The following ZNF334 variants were observed in gnomAD, a reference collection of about 807,000 sequenced individuals.
ZNF334 encodes the protein zinc finger protein 334.
In ZNF334, 14 loss-of-function variants were observed where a neutral mutation model predicts 12.4. The observed-to-expected ratio is 1.13, with a 90% confidence interval of 0.74 to 1.76. The LOEUF is 1.76. Among genes scored for constraint, ZNF334 ranks in the 40% most tolerant of loss-of-function variants. The pLI, the probability that ZNF334 is intolerant of heterozygous loss-of-function variation, is 0.00. For missense variants in ZNF334, 797 were observed against 804.5 expected (o/e 0.99, Z 0.11); for synonymous variants, 273 against 269.6 (o/e 1.01, Z -0.12).
rs366860 is a variant in ZNF334 at position 46,512,761 on chromosome 20, A to C, written c.-260T>G. On this transcript the variant is annotated 5_prime_UTR_variant, in exon 1 of 5. Transcript: ENST00000692313. ...CAAAGGACCAGAATTCAGTTATTGGATCTGTCACTAGCAAACTGCATTACT... is the reference window on the plus strand; with the variant it reads ...CAAAGGACCAGAATTCAGTTATTGGCTCTGTCACTAGCAAACTGCATTACT... 81,979 of 152,056 alleles carry C rather than the reference A, an allele frequency of 0.54. 22,457 individuals carry two copies. Among genetic ancestry groups the C allele is most frequent in the African/African-American group, 0.64 (26,462 of 41,470 alleles). 9.4% of individuals were successfully genotyped at this position (152,056 alleles called of 1,614,324 possible).
At chr20:46,511,855 C>T (rs559691014) in intron 2 of ZNF334, among the ~76,000 whole-genome samples, 37 of 152,292 alleles carry the variant, frequency 2.4e-4, no homozygotes, top group Middle Eastern at 6.8e-3. Context: ...GAAAACCACA[C>T]AAAAATCCAG....
chr20:46,506,229 T>C (rs748627459), intron 2 of ZNF334: 5 of 455,194 alleles, frequency 1.1e-5, no homozygotes, highest in African/African-American at 4.0e-5. Flanking sequence ...TTTGAAAGCA[T>C]AAATAATGAG....
chr20:46,488,582 T>C, the ZNF334 span, among the ~76,000 whole-genome samples: 1 of 151,726 alleles, frequency 6.6e-6, no homozygotes, highest in Non-Finnish European at 1.5e-5. Flanking sequence ...AATAAACCCA[T>C]ACATATTTAC....
chr20:46,467,141 A>G, the ZNF334 span, among the ~76,000 whole-genome samples: 1 of 152,232 alleles, frequency 6.6e-6, no homozygotes, highest in South Asian at 2.1e-4. Flanking sequence ...GTGAGATGTT[A>G]GGTACCCATT....
the ZNF334 span, among the ~76,000 whole-genome samples, chr20:46,469,101 AC>A: frequency 6.6e-6 from 1 of 152,206 alleles, no homozygotes; most frequent in African/African-American, 2.4e-5. Context: ...ATCAACAAAA[AC>A]ATGTACTCAT....
intron 2 of ZNF334, among the ~76,000 whole-genome samples, chr20:46,508,289 A>C (rs1436689524): frequency 6.6e-6 from 1 of 152,248 alleles, no homozygotes; most frequent in East Asian, 1.9e-4. Flanking sequence ...ATGGCTACTG[A>C]GGACATGTGC....
chr20:46,509,303 A>C (rs1001695034), intron 2 of ZNF334, among the ~76,000 whole-genome samples: 5 of 152,214 alleles, frequency 3.3e-5, no homozygotes, highest in African/African-American at 1.2e-4. Flanking sequence ...ATTTCTAGAA[A>C]ACAGATCCTA....
At chr20:46,464,304 CAA>C in the ZNF334 span, 1 of 552,360 alleles carries the variant, frequency 1.8e-6, no homozygotes, top group Non-Finnish European at 3.6e-6. Flanking sequence ...CTGGGAATGA[CAA>C]AGTTAGATGT....
the ZNF334 span, among the ~76,000 whole-genome samples, chr20:46,488,810 T>G: frequency 6.6e-6 from 1 of 151,906 alleles, no homozygotes; most frequent in African/African-American, 2.4e-5. Context: ...AATAGTTTTT[T>G]TTTTTTTTTT....
Position 46,501,646 on chromosome 20 carries a change from T to C in ZNF334, c.1693A>G (p.Thr565Ala), listed in dbSNP as rs767552267. Residue 565 changes from threonine to alanine, a missense_variant, in exon 5 of 5, where the codon ACA becomes GCA. Physicochemically the swap from Thr to Ala is moderately conservative, Grantham distance 58. Coordinates refer to ENST00000692313, the MANE Select transcript of ZNF334 (RefSeq NM_001353824.2). ...TCATAGGGTCTCTGTCCTGTGTGTG[T>C]TCTCTGATGGTGAGTCAGGGCTGAC... ...RKSALTHHQR[T>A]HTGQRPYECN... is the part of the protein sequence containing the mutation. The C allele has an allele frequency of 2.5e-6, 4 of 1,614,198 alleles. No individual in the cohort carries two copies. The highest frequency in any genetic ancestry group is 3.4e-6 in the Non-Finnish European group (4 of 1,180,012).
chr20:46,487,070 C>G, the ZNF334 span, among the ~76,000 whole-genome samples: 3 of 151,768 alleles, frequency 2.0e-5, no homozygotes, highest in Non-Finnish European at 4.4e-5. Context: ...CTGTCATTTG[C>G]CTGTTGACTC....
rs1370270596 is a variant in ZNF334, at chr20:46,502,702, T to G, written c.637A>C (p.Lys213Gln). Residue 213 changes from lysine (K) to glutamine (Q), a missense_variant, in exon 5 of 5, where the codon AAA becomes CAA. By Grantham distance (53) the Lys-to-Gln change is moderately conservative. Coordinates refer to ENST00000692313, the MANE Select transcript of ZNF334 (RefSeq NM_001353824.2). ...CTCTTGAAGAAGGTTTTCCCACATT[T>G]ATTATAGTCAAACGGTTGTTTCAAA... ...QILKQPFDYN[K>Q]CGKTFFKRAI... is the part of the protein sequence containing the mutation. 1 of 1,613,234 alleles carries G rather than the reference T, an allele frequency of 6.2e-7. No homozygotes were observed. The highest frequency in any genetic ancestry group is 8.5e-7 in the Non-Finnish European group (1 of 1,179,982).
chr20:46,482,356 T>C, the ZNF334 span, among the ~76,000 whole-genome samples: 1 of 152,220 alleles, frequency 6.6e-6, no homozygotes, highest in Non-Finnish European at 1.5e-5. Context: ...GCTGATTTAA[T>C]TGTGGCATCA....
downstream of ZNF334, among the ~76,000 whole-genome samples, chr20:46,495,866 A>C (rs1320978233): frequency 6.6e-6 from 1 of 152,138 alleles, no homozygotes; most frequent in Non-Finnish European, 1.5e-5. Context: ...GAATTCATAT[A>C]ATCAAAGCCA....
At chr20:46,463,925 C>G in the ZNF334 span, 16,669 of 523,730 alleles carry the variant, frequency 0.032, 358 homozygotes, top group Middle Eastern at 0.055. Context: ...TCTTCCAGAT[C>G]ATCATGGAAC....
chr20:46,470,481 G>A, the ZNF334 span, among the ~76,000 whole-genome samples: 1 of 152,228 alleles, frequency 6.6e-6, no homozygotes, highest in Non-Finnish European at 1.5e-5. Context: ...GGCCAATGGA[G>A]TCTAGAACAC....
chr20:46,473,584 T>A, the ZNF334 span, among the ~76,000 whole-genome samples: 1 of 152,226 alleles, frequency 6.6e-6, no homozygotes, highest in African/African-American at 2.4e-5. Context: ...CCATTCAAGA[T>A]CATTTATTCT....
chr20:46,502,186 T>C lies in ZNF334; in HGVS notation c.1153A>G (p.Thr385Ala), dbSNP rs1479198457. 6.2e-7 allele frequency: 1 copy of C among 1,614,056 alleles called. No individual in the cohort carries two copies. Among genetic ancestry groups the C allele is most frequent in the East Asian group, 2.2e-5 (1 of 44,878 alleles). ...KPNECKECGK[T>A]FFCQSALTAH... ...GTAAGGGCTGACTGACAGAAGAAGG[T>C]TTTCCCACATTCCTTACATTCATTT... The change falls in exon 5 of 5, where the codon ACC (threonine) becomes GCC (alanine). Residue 385 changes from threonine to alanine, a missense_variant. Physicochemically the swap from Thr to Ala is moderately conservative, Grantham distance 58. Transcript: ENST00000692313.
At chr20:46,492,096 T>G in the ZNF334 span, 1 of 152,502 alleles carries the variant, frequency 6.6e-6, no homozygotes, top group Non-Finnish European at 1.5e-5. Context: ...GTCTCAAATC[T>G]TAACAAACAT....
Sources: allele counts gnomAD v4.1 joint callset (sites outside exome capture counted in the v4.1 genomes callset), GRCh38; gene constraint gnomAD v4.1.1; transcripts MANE v1.5; gene names NCBI Gene and HGNC (gene_info 2026-07-23, HGNC 2026-07-21).